ABCG1: variants seen among roughly 807,000 people sequenced by gnomAD.
ABCG1 encodes the protein ATP binding cassette subfamily G member 1, also known as ATP-binding cassette sub-family G member 1.
A neutral mutation model predicts 69.2 loss-of-function variants in ABCG1; 29 were observed. The ratio of observed to expected loss-of-function variants is 0.42; its 90% CI spans 0.31 to 0.57. The LOEUF (loss-of-function observed/expected upper bound fraction) is 0.57, where lower values mean the gene tolerates loss of function less well. Ranked by LOEUF, ABCG1 falls within the 20% of genes least tolerant of loss-of-function variation. ABCG1 has a pLI of 0.15. For missense variants in ABCG1, 718 were observed against 898.1 expected (o/e 0.80, Z 2.56); for synonymous variants, 370 against 374.8 (o/e 0.99, Z 0.15).
chr21:42,270,740 G>T (rs1052598397), intron 2 of ABCG1, among the ~76,000 whole-genome samples: 5 of 152,036 alleles, frequency 3.3e-5, no homozygotes, highest in African/African-American at 1.2e-4. Flanking sequence ...AGGTCACCTG[G>T]GCCCACCGGA....
chr21:42,216,816 C>T (rs1460394235), upstream of ABCG1, among the ~76,000 whole-genome samples: 2 of 152,204 alleles, frequency 1.3e-5, no homozygotes, highest in Non-Finnish European at 2.9e-5. Context: ...TGGCTTCTTT[C>T]CCGATCGGGC....
In ABCG1 at chr21:42,276,617, C is replaced by T. The variant is rs569773871; in HGVS notation, c.538-278C>T. On this transcript the variant is annotated intron_variant, in intron 4 of 14. Coordinates refer to ENST00000398449, the MANE Select transcript of ABCG1 (RefSeq NM_016818.3). This position sits in a 1 kb window ranked among gnomAD's most constrained non-coding sequence, Gnocchi z 5.3. ...CTAGCTGCACGGTGGCTAGTGGCAC[C>T]GTGGCTAGCTGCATGGTGGCTAGTT... The T allele has an allele frequency of 3.8e-5, 16 of 421,128 alleles. No individual in the cohort carries two copies. The highest frequency in any genetic ancestry group is 1.6e-4 in the African/African-American group (8 of 49,632). The allele number at this position is 421,128 out of a possible 1,614,324, so 26.1% of individuals were successfully genotyped here. A position where few individuals can be genotyped will look rare whatever the true frequency, so the allele number is the denominator to read the frequency against.
chr21:42,225,673 T>C lies in ABCG1; in HGVS notation c.45T>C (p.Asn15=), dbSNP rs771817387. 1 of 1,612,806 alleles carries C rather than the reference T, an allele frequency of 6.2e-7. No individual in the cohort carries two copies. Among genetic ancestry groups the C allele is most frequent in the Non-Finnish European group, 8.5e-7 (1 of 1,179,772 alleles). The change falls in exon 2 of 15, where the codon AAT becomes AAC. Residue 15 remains asparagine (N), a splice_region_variant and synonymous_variant. Coordinates refer to ENST00000398449, the MANE Select transcript of ABCG1 (RefSeq NM_016818.3). ...GTTGCTTCCTCTGGTTTTTCTAGAA[T>C]GCCAGCAGTTACTCTGCAGAGATGA... is the stretch of plus-strand genomic sequence containing the variant. ...MAAFSVGTAM[N]ASSYSAEMTE...
At chr21:42,207,729 C>T (rs761863933) in intron 2 of ABCG1, among the ~76,000 whole-genome samples, 23 of 152,226 alleles carry the variant, frequency 1.5e-4, no homozygotes, top group Admixed American at 2.6e-4. Flanking sequence ...CTCATTACCA[C>T]TGGATGGGGG....
chr21:42,221,799 A>G (rs2067732028), intron 1 of ABCG1, among the ~76,000 whole-genome samples: 1 of 152,150 alleles, frequency 6.6e-6, no homozygotes, highest in African/African-American at 2.4e-5. Context: ...CTTCCTCCTA[A>G]TGCTAGGAGA....
intron 2 of ABCG1, among the ~76,000 whole-genome samples, chr21:42,238,863 A>T (rs2068012259): frequency 6.6e-6 from 1 of 152,084 alleles, no homozygotes; most frequent in Non-Finnish European, 1.5e-5. Flanking sequence ...GGTTGGTGGG[A>T]GCCACAGTCT....
chr21:42,224,002 G>C (rs1018369111), intron 1 of ABCG1, among the ~76,000 whole-genome samples: 5 of 152,162 alleles, frequency 3.3e-5, no homozygotes, highest in East Asian at 3.8e-4. Context: ...GAAGTTGCTC[G>C]AGCACCCTAG....
In ABCG1 at chr21:42,219,999, G is replaced by A. The variant is rs1189123211; in HGVS notation, c.42+695G>A. The A allele has an allele frequency of 1.3e-6, 2 of 1,553,604 alleles. No homozygotes were observed. Among genetic ancestry groups the A allele is most frequent in the East Asian group, 4.9e-5 (2 of 41,082 alleles). On this transcript the variant is annotated intron_variant, in intron 1 of 14. Transcript: ENST00000398449. The surrounding 1 kb of genome is among the most constrained non-coding windows in gnomAD (Gnocchi z 5.3). ...GCGCATTTCACTTCCCCGAGCTCCG[G>A]AGAGGGATGGCGGGGTGTCGGCGAG... is the stretch of plus-strand genomic sequence containing the variant.
rs185263891 is a variant in ABCG1 at position 42,274,715 on chromosome 21, T to C, written c.537+1280T>C. Among the ~76,000 whole-genome samples, 1,219 of 152,154 alleles carry C rather than the reference T, an allele frequency of 8.0e-3. 11 individuals carry two copies. The highest frequency in any genetic ancestry group is 0.017 in the Middle Eastern group (5 of 294). ...GTCTTGAACTCCTGACCTCGTGATC[T>C]GCCCACCTCAGCCTCCCAAAGTGCT... On this transcript the variant is annotated intron_variant, in intron 4 of 14. Transcript: ENST00000398449.
At position 42,225,015 on chromosome 21, in the gene ABCG1, C is replaced by T. The variant is rs376626302; in HGVS notation, c.43-656C>T. On this transcript the variant is annotated intron_variant, in intron 1 of 14. Coordinates refer to ENST00000398449, the MANE Select transcript of ABCG1 (RefSeq NM_016818.3). ...TCACTTGATTGTGAGACCTGGAACA[C>T]GGTCCTTAAATTGTCTATATCTCAG... Among the ~76,000 whole-genome samples the T allele has an allele frequency of 4.6e-5, 7 of 151,826 alleles. 1 individual carries two copies. The highest frequency in any genetic ancestry group is 2.4e-5 in the African/African-American group (1 of 41,348).
chr21:42,216,247 G>A (rs537842530), upstream of ABCG1: 69 of 395,790 alleles, frequency 1.7e-4, 1 homozygote, highest in Middle Eastern at 3.3e-3. Context: ...TGTCTTTATC[G>A]GCAGCGTGAA....
Position 42,271,113 on chromosome 21 carries a change from T to C in ABCG1, c.330T>C (p.Ser110=). 1.3e-6 allele frequency: 2 copies of C among 1,581,354 alleles called. No individual in the cohort carries two copies. Among genetic ancestry groups the C allele is most frequent in the African/African-American group, 1.4e-5 (1 of 73,196 alleles). ...AAGGAATTTCCGGGAAGTTCAATAG[T>C]GGTGAGTTGGTGGCCATTATGGGTC... ...LLKGISGKFN[S]GELVAIMGPS... Residue 110 remains serine (S), a synonymous_variant, in exon 3 of 15, where the codon AGT becomes AGC. Transcript: ENST00000398449.
At chr21:42,272,683 G>A (rs1187999980) in intron 3 of ABCG1, among the ~76,000 whole-genome samples, 1 of 152,216 alleles carries the variant, frequency 6.6e-6, no homozygotes, top group Non-Finnish European at 1.5e-5. Context: ...GCAGTGAGCC[G>A]ATGAACCAGC....
chr21:42,241,560 G>A (rs903434265), intron 2 of ABCG1, among the ~76,000 whole-genome samples: 7 of 150,116 alleles, frequency 4.7e-5, no homozygotes, highest in East Asian at 3.9e-4. Flanking sequence ...AGCTGAGATC[G>A]CACCACTGCA....
Position 42,282,326 on chromosome 21 carries a change from C to G in ABCG1, c.641C>G (p.Thr214Ser). The change falls in exon 6 of 15, where the codon ACC (threonine) becomes AGC (serine). Residue 214 changes from threonine to serine, a missense_variant. Around this residue, in one of 2 missense-constraint regions of ABCG1, gnomAD observed 514 missense variants for 574.3 expected, o/e 0.90. Transcript: ENST00000398449. Reference sequence around the variant, plus strand: ...TTGCTGTCTTGCGCCAACACGCGGACCGGGAGCCTGTCAGGTGGTCAGCGC... The same window carrying G: ...TTGCTGTCTTGCGCCAACACGCGGAGCGGGAGCCTGTCAGGTGGTCAGCGC... ...LGLLSCANTRTGSLSGGQRKR... is the reference protein window; with the variant it reads ...LGLLSCANTRSGSLSGGQRKR... 6.2e-7 allele frequency: 1 copy of G among 1,613,476 alleles called. No individual in the cohort carries two copies. Among genetic ancestry groups the G allele is most frequent in the Middle Eastern group, 1.7e-4 (1 of 5,784 alleles).
intron 2 of ABCG1, among the ~76,000 whole-genome samples, chr21:42,245,516 A>C (rs1380407271): frequency 6.6e-6 from 1 of 152,192 alleles, no homozygotes; most frequent in African/African-American, 2.4e-5. Context: ...ACATCCTGCA[A>C]TCCAGTGCAG....
In ABCG1 at chr21:42,203,990, T is replaced by C. The variant is rs115647314; in HGVS notation, c.48+2267T>C. Among the ~76,000 whole-genome samples the C allele has an allele frequency of 8.2e-3, 1,245 of 152,356 alleles. 24 individuals are homozygous for C. Among genetic ancestry groups the C allele is most frequent in the African/African-American group, 0.028 (1,180 of 41,584 alleles). ...TTTTGTTACATTTACTACTAAGTAT[T>C]GAATTTTGTTTGAGCAGTTGTGAAT... is the stretch of plus-strand genomic sequence containing the variant. On this transcript the variant is annotated intron_variant, in intron 2 of 15. Coordinates refer to the ABCG1 transcript ENST00000398457.
intron 2 of ABCG1, among the ~76,000 whole-genome samples, chr21:42,250,662 T>A (rs891862260): frequency 2.0e-5 from 3 of 152,230 alleles, no homozygotes. Context: ...TGAGCGCCAG[T>A]GGACAGAACT....
intron 2 of ABCG1, among the ~76,000 whole-genome samples, chr21:42,266,411 T>TA (rs1412628940): frequency 6.6e-6 from 1 of 152,220 alleles, no homozygotes; most frequent in Non-Finnish European, 1.5e-5. Flanking sequence ...CCACTGCTCC[T>TA]TTTATAGTGA....
Sources: allele counts gnomAD v4.1 joint callset (sites outside exome capture counted in the v4.1 genomes callset), GRCh38; gene constraint gnomAD v4.1.1; regional missense constraint gnomAD v4.1.1; non-coding constraint Gnocchi (gnomAD v3.1); transcripts MANE v1.5; gene names NCBI Gene and HGNC (gene_info 2026-07-23, HGNC 2026-07-21).